Variants in GNA11 observed in about 807,000 individuals in gnomAD.
GNA11 encodes G protein subunit alpha 11.
In GNA11, 8 loss-of-function variants were observed where a neutral mutation model predicts 38.2. The observed-to-expected ratio is 0.21, with a 90% CI of 0.12 to 0.38. GNA11 has a LOEUF of 0.38. Among genes scored for constraint, GNA11 ranks in the 10% least tolerant of loss-of-function variants. The pLI is 1.00. For synonymous variants in GNA11, 211 were observed against 221.4 expected, an observed-to-expected ratio of 0.95 and a Z score of 0.42; for missense variants, 268 against 516.3, an observed-to-expected ratio of 0.52 and a Z score of 4.66.
At chr19:3,100,061 A>C (rs950317450) in intron 1 of GNA11, among the ~76,000 whole-genome samples, 1 of 152,190 alleles carries the variant, frequency 6.6e-6, no homozygotes, top group African/African-American at 2.4e-5. Flanking sequence ...CGTCCACAGC[A>C]CCTGGCGTGT....
rs1914001020 is a variant in GNA11, at chr19:3,119,100, C to T, written c.735+47C>T. The T allele has an allele frequency of 1.9e-6, 3 of 1,607,856 alleles. No individual in the cohort carries two copies. The highest frequency in any genetic ancestry group is 2.6e-6 in the Non-Finnish European group (3 of 1,175,238). ...GGCAGCGTTGGGGGCCGGGCCTTCC[C>T]CACCTGCCAAGCCTGGGTCCCCTCA... On this transcript the variant is annotated intron_variant, in intron 5 of 6. Transcript: ENST00000078429. The surrounding 1 kb of genome is among the most constrained non-coding windows in gnomAD (Gnocchi z 4.6).
intron 3 of GNA11, among the ~76,000 whole-genome samples, chr19:3,113,894 G>A (rs770127626): frequency 6.6e-6 from 1 of 152,176 alleles, no homozygotes; most frequent in African/African-American, 2.4e-5. Context: ...CCAGAGCCAC[G>A]TCTCCCACTA....
chr19:3,107,391 A>G (rs1401782443), intron 1 of GNA11, among the ~76,000 whole-genome samples: 2 of 152,160 alleles, frequency 1.3e-5, no homozygotes, highest in Non-Finnish European at 2.9e-5. Context: ...TGAGATGTTT[A>G]TGGCCTGAGG....
intron 1 of GNA11, among the ~76,000 whole-genome samples, chr19:3,101,042 G>T (rs1005992124): frequency 2.0e-5 from 3 of 152,310 alleles, no homozygotes; most frequent in East Asian, 3.9e-4. Context: ...TTCTGTCCCT[G>T]TCTGACCTCG....
In GNA11 at chr19:3,119,413, G is replaced by A. The variant is rs901090456; in HGVS notation, c.889+54G>A. 4 of 1,546,948 alleles carry A rather than the reference G, an allele frequency of 2.6e-6. No individual in the cohort carries two copies. The highest frequency in any genetic ancestry group is 1.7e-5 in the Admixed American group (1 of 58,460). ...CTCGCGGGCAGGGCCTTACTGGGGG[G>A]AGGGGGCTGATATGGGAGAGGGGCT... On this transcript the variant is annotated intron_variant, in intron 6 of 6. Transcript: ENST00000078429. The surrounding 1 kb of genome is among the most constrained non-coding windows in gnomAD (Gnocchi z 4.6).
chr19:3,100,231 G>A (rs1474680516), intron 1 of GNA11, among the ~76,000 whole-genome samples: 1 of 152,174 alleles, frequency 6.6e-6, no homozygotes, highest in Non-Finnish European at 1.5e-5. Context: ...GCTGTCTTGG[G>A]CACTGCAGGG....
intron 3 of GNA11, among the ~76,000 whole-genome samples, chr19:3,114,019 G>A (rs998356668): frequency 2.0e-5 from 3 of 152,146 alleles, no homozygotes; most frequent in Non-Finnish European, 2.9e-5. Flanking sequence ...GGAGGCCCCC[G>A]CGTGGCAGGC....
In GNA11 at chr19:3,118,924, G is replaced by T. The variant is rs1352666663; in HGVS notation, c.606G>T (p.Arg202=). ...YPFDLENIIF[R]MVDVGGQRSE... ...GAGTCCTGGCGCTGTGTCCTTTCAG[G>T]ATGGTGGATGTGGGGGGCCAGCGGT... The change falls in exon 5 of 7, where the codon CGG becomes CGT. Residue 202 remains arginine, a splice_region_variant and synonymous_variant. Coordinates refer to ENST00000078429, the MANE Select transcript of GNA11 (RefSeq NM_002067.5). The T allele has an allele frequency of 1.2e-6, 2 of 1,613,904 alleles. No individual in the cohort carries two copies. Among genetic ancestry groups the T allele is most frequent in the Admixed American group, 1.7e-5 (1 of 60,030 alleles).
chr19:3,103,138 G>A (rs1474411924), intron 1 of GNA11, among the ~76,000 whole-genome samples: 2 of 152,204 alleles, frequency 1.3e-5, no homozygotes, highest in Admixed American at 6.5e-5. Context: ...CCAGGTGTCG[G>A]CTCCCAGGTC....
intron 1 of GNA11, among the ~76,000 whole-genome samples, chr19:3,106,670 G>C (rs1256312471): frequency 6.6e-6 from 1 of 152,242 alleles, no homozygotes; most frequent in African/African-American, 2.4e-5. Flanking sequence ...ACCCAGCTGT[G>C]TACGGGCTGC....
chr19:3,105,336 C>G (rs942481443), intron 1 of GNA11, among the ~76,000 whole-genome samples: 1 of 142,168 alleles, frequency 7.0e-6, no homozygotes, highest in Non-Finnish European at 1.5e-5. Context: ...GTAAACTACC[C>G]GAGTTTGTCT....
In GNA11 at chr19:3,119,367, G is replaced by GGCTGC. The variant is rs762158895; in HGVS notation, c.889+9_889+10insCTGCG. ...ACTTCCCCGAGTTCGATGGTGCGCC[G>GGCTGC]GGCTGCGGCATGGGGAGGGGCTCGC... On this transcript the variant is annotated intron_variant, in intron 6 of 6. Coordinates refer to ENST00000078429, the MANE Select transcript of GNA11 (RefSeq NM_002067.5). The surrounding 1 kb of genome is among the most constrained non-coding windows in gnomAD (Gnocchi z 4.6). The GGCTGC allele has an allele frequency of 6.2e-6, 10 of 1,612,546 alleles. No homozygotes were observed. Among genetic ancestry groups the GGCTGC allele is most frequent in the Middle Eastern group, 1.7e-4 (1 of 6,056 alleles).
intron 1 of GNA11, among the ~76,000 whole-genome samples, chr19:3,103,203 GTTATTTAT>G (rs201104739): frequency 4.0e-5 from 6 of 151,774 alleles, no homozygotes; most frequent in Non-Finnish European, 7.4e-5. Flanking sequence ...CTTTTTATTT[GTTATTTAT>G]TTATTTATTT....
At chr19:3,095,518 T>A (rs1301777965) in intron 1 of GNA11, among the ~76,000 whole-genome samples, 1 of 151,188 alleles carries the variant, frequency 6.6e-6, no homozygotes, top group Non-Finnish European at 1.5e-5. Context: ...ATGCAGGCCC[T>A]GTACACCCCC....
In GNA11 at chr19:3,121,790, G is replaced by C. The variant is rs1239366123; in HGVS notation, c.*611G>C. The C allele has an allele frequency of 4.3e-6, 1 of 232,742 alleles. No homozygotes were observed. Among genetic ancestry groups the C allele is most frequent in the Non-Finnish European group, 8.5e-6 (1 of 117,722 alleles). The allele number at this position is 232,742 out of a possible 1,614,324, so 14.4% of individuals were successfully genotyped here. On this transcript the variant is annotated 3_prime_UTR_variant, in exon 7 of 7. Coordinates refer to ENST00000078429, the MANE Select transcript of GNA11 (RefSeq NM_002067.5). ...GCTTTGCCCACTGGACTCCTGAAGA[G>C]GGGGTGGGGGGCTCCCTCGGTCGCC...
In GNA11 at chr19:3,121,058, G is replaced by A. The variant is rs753862594; in HGVS notation, c.959G>A (p.Ser320Asn). ...ATGTTCGTGGACCTGAACCCCGACA[G>A]CGACAAGATCATCTACTCACACTTC... ...LKMFVDLNPD[S>N]DKIIYSHFTC... Residue 320 changes from serine to asparagine, a missense_variant, in exon 7 of 7, where the codon AGC becomes AAC. Ser to Asn is a conservative substitution (Grantham distance 46). Transcript: ENST00000078429. The A allele has an allele frequency of 8.7e-6, 14 of 1,613,746 alleles. No individual in the cohort carries two copies. Among genetic ancestry groups the A allele is most frequent in the South Asian group, 5.5e-5 (5 of 91,084 alleles).
chr19:3,121,637 C>G lies in GNA11; in HGVS notation c.*458C>G, dbSNP rs1914084079. 1 of 233,088 alleles carries G rather than the reference C, an allele frequency of 4.3e-6. No individual in the cohort carries two copies. Among genetic ancestry groups the G allele is most frequent in the South Asian group, 1.8e-4 (1 of 5,568 alleles). The allele number at this position is 233,088 out of a possible 1,614,324, so 14.4% of individuals were successfully genotyped here. ...GTGGCTGTCCTTCCAACCCCACGTGCTTTTTCTTTCTCCTGCCCGCTTCTT... is the reference window on the plus strand; with the variant it reads ...GTGGCTGTCCTTCCAACCCCACGTGGTTTTTCTTTCTCCTGCCCGCTTCTT... On this transcript the variant is annotated 3_prime_UTR_variant, in exon 7 of 7. Transcript: ENST00000078429.
intron 4 of GNA11, 111 bp downstream of exon 4, chr19:3,115,183 C>T (rs1415950491): frequency 1.0e-5 from 13 of 1,271,802 alleles, no homozygotes; most frequent in Middle Eastern, 4.2e-4. Context: ...GCGGGAGGAT[C>T]GCCTGAGTCC....
chr19:3,117,805 A>T (rs1913962560), intron 4 of GNA11: 1 of 152,312 alleles, frequency 6.6e-6, no homozygotes, highest in Non-Finnish European at 1.5e-5. Context: ...GTGCTGTGGG[A>T]TGCAGCTGGA....
Sources: gnomAD v4.1 joint callset for allele counts (sites outside exome capture counted in the v4.1 genomes callset) on GRCh38, gnomAD v4.1.1 for gene constraint, Gnocchi (gnomAD v3.1) non-coding constraint, MANE v1.5 for transcripts, NCBI Gene and HGNC (gene_info 2026-07-23, HGNC 2026-07-21) for gene names.